The following SOX5 variants were observed in gnomAD, a reference collection of about 807,000 sequenced individuals.
The protein encoded by SOX5 is transcription factor SOX-5.
A neutral mutation model predicts 92.0 loss-of-function variants in SOX5; 9 were observed. The observed-to-expected ratio is 0.10, with a 90% confidence interval of 0.06 to 0.17. SOX5 has a LOEUF of 0.17. SOX5 is among the 10% of genes least tolerant of loss of function. The pLI is 1.00. For missense variants in SOX5, 642 were observed against 944.5 expected (o/e 0.68, Z 4.20); for synonymous variants, 344 against 336.3 (o/e 1.02, Z -0.25).
At chr12:24,350,171 T>C (rs893841155) in intron 2 of SOX5, among the ~76,000 whole-genome samples, 37 of 152,208 alleles carry the variant, frequency 2.4e-4, no homozygotes, top group African/African-American at 8.4e-4. Flanking sequence ...CACTGACTAT[T>C]GAAAGTGCCA....
chr12:24,259,375 C>G (rs959036797), intron 3 of SOX5, among the ~76,000 whole-genome samples: 4 of 152,194 alleles, frequency 2.6e-5, no homozygotes, highest in African/African-American at 9.7e-5. Flanking sequence ...TTTACATATA[C>G]ACGCATATTG....
chr12:24,334,195 T>C (rs1008037788), intron 2 of SOX5, among the ~76,000 whole-genome samples: 3 of 151,974 alleles, frequency 2.0e-5, no homozygotes, highest in Non-Finnish European at 4.4e-5. Flanking sequence ...TGATTAGTTA[T>C]ATTTTCTGAA....
chr12:24,251,947 T>TA (rs1940154174), intron 3 of SOX5, among the ~76,000 whole-genome samples: 1 of 70,754 alleles, frequency 1.4e-5, no homozygotes, highest in Non-Finnish European at 3.7e-5. Flanking sequence ...CAAACCCAGT[T>TA]ATTAAAAAAA....
chr12:23,782,439 C>T (rs575138193), intron 3 of SOX5, among the ~76,000 whole-genome samples: 1 of 152,180 alleles, frequency 6.6e-6, no homozygotes, highest in Non-Finnish European at 1.5e-5. Context: ...TTTAACGTAA[C>T]CTTGTTTGAA....
chr12:24,259,002 C>T (rs760950912), intron 3 of SOX5, among the ~76,000 whole-genome samples: 7 of 152,214 alleles, frequency 4.6e-5, no homozygotes, highest in Admixed American at 1.3e-4. Context: ...ATGGAAGACA[C>T]TATCTTTTCA....
At chr12:24,212,564 C>CA in intron 4 of SOX5, 1 of 508,500 alleles carries the variant, frequency 2.0e-6, no homozygotes, top group Non-Finnish European at 4.0e-6. Flanking sequence ...CATAACTAAG[C>CA]AATAATAGTG....
intron 2 of SOX5, among the ~76,000 whole-genome samples, chr12:24,310,823 T>G (rs1022916048): frequency 6.6e-6 from 1 of 152,094 alleles, no homozygotes; most frequent in Admixed American, 6.6e-5. Context: ...CTGACCTTCA[T>G]TGAAGGATTT....
intron 2 of SOX5, among the ~76,000 whole-genome samples, chr12:23,879,844 T>C (rs930818171): frequency 6.6e-6 from 1 of 152,170 alleles, no homozygotes; most frequent in Non-Finnish European, 1.5e-5. Flanking sequence ...AGTGAATCTA[T>C]GGCTCAAAAA....
chr12:24,233,706 T>G (rs909478607), intron 3 of SOX5, among the ~76,000 whole-genome samples: 1 of 152,214 alleles, frequency 6.6e-6, no homozygotes, highest in Admixed American at 6.5e-5. Flanking sequence ...CTGCAGTGAA[T>G]GAAATTGTCA....
intron 6 of SOX5, among the ~76,000 whole-genome samples, chr12:23,692,264 C>T (rs1189235415): frequency 6.6e-6 from 1 of 151,686 alleles, no homozygotes; most frequent in Non-Finnish European, 1.5e-5. Flanking sequence ...GAGACTCCAT[C>T]TCTAATAAAA....
At chr12:24,088,269 T>C (rs909023605) in intron 4 of SOX5, among the ~76,000 whole-genome samples, 7 of 152,084 alleles carry the variant, frequency 4.6e-5, no homozygotes, top group Admixed American at 1.3e-4. Flanking sequence ...ATTTTGAAGA[T>C]AGGCTTTTCC....
intron 4 of SOX5, among the ~76,000 whole-genome samples, chr12:24,176,007 C>T (rs1422729372): frequency 2.0e-5 from 3 of 151,236 alleles, no homozygotes; most frequent in African/African-American, 7.3e-5. Context: ...AAAAATGAAA[C>T]TCTTGAGACA....
At chr12:24,556,592 A>C (rs1414373566) in intron 1 of SOX5, among the ~76,000 whole-genome samples, 3 of 152,268 alleles carry the variant, frequency 2.0e-5, no homozygotes, top group Non-Finnish European at 2.9e-5. Context: ...TCAAACGATT[A>C]AATCTCAATA....
intron 2 of SOX5, among the ~76,000 whole-genome samples, chr12:24,322,511 G>A (rs1950300082): frequency 6.6e-6 from 1 of 152,160 alleles, no homozygotes; most frequent in Non-Finnish European, 1.5e-5. Context: ...ACGTAAGTGT[G>A]TCCTCTTATC....
chr12:23,613,086 C>T (rs907669260), intron 8 of SOX5, among the ~76,000 whole-genome samples: 3 of 152,138 alleles, frequency 2.0e-5, no homozygotes, highest in Admixed American at 2.0e-4. Context: ...ATTTCTTTTG[C>T]ATGTTCTTCA....
At chr12:24,179,252 A>G (rs188095102) in intron 4 of SOX5, among the ~76,000 whole-genome samples, 1 of 152,334 alleles carries the variant, frequency 6.6e-6, no homozygotes, top group South Asian at 2.1e-4. Context: ...TTTTTGTAAC[A>G]CTTTCCATGG....
chr12:24,418,815 GCT>G (rs1361974035), intron 1 of SOX5, among the ~76,000 whole-genome samples: 3 of 152,116 alleles, frequency 2.0e-5, no homozygotes, highest in Non-Finnish European at 4.4e-5. Context: ...GTATTTTTCT[GCT>G]CTCTGATTTG....
At chr12:23,751,645 T>C (rs981444463) in intron 4 of SOX5, among the ~76,000 whole-genome samples, 3 of 151,896 alleles carry the variant, frequency 2.0e-5, no homozygotes, top group Non-Finnish European at 4.4e-5. Flanking sequence ...AGAATCTACA[T>C]TGCCCATGTC....
At chr12:24,334,588 A>G (rs1951687000) in intron 2 of SOX5, among the ~76,000 whole-genome samples, 1 of 152,210 alleles carries the variant, frequency 6.6e-6, no homozygotes, top group Non-Finnish European at 1.5e-5. Context: ...CTGCCAATGG[A>G]AAGTTACCAA....
Sources: allele counts gnomAD v4.1 joint callset (sites outside exome capture counted in the v4.1 genomes callset), GRCh38; gene constraint gnomAD v4.1.1; transcripts MANE v1.5; gene names NCBI Gene and HGNC (gene_info 2026-07-23, HGNC 2026-07-21).